Variants in RGL1 observed in about 807,000 individuals in gnomAD.
RGL1 encodes the protein ral guanine nucleotide dissociation stimulator like 1, also known as ral guanine nucleotide dissociation stimulator-like 1.
RGL1 carries 24 observed loss-of-function variants against 95.2 expected under a neutral mutation model. That is an observed-to-expected ratio of 0.25 (90% CI 0.18 to 0.35). RGL1 has a LOEUF of 0.35. RGL1 is among the 10% of genes least tolerant of loss of function. The probability of loss-of-function intolerance (pLI) is 1.00; values close to 1 mark genes in which losing one functional copy is unlikely to be tolerated. For missense variants in RGL1, 715 were observed against 936.3 expected (o/e 0.76, Z 3.08); for synonymous variants, 329 against 344.9 (o/e 0.95, Z 0.51).
intron 1 of RGL1, among the ~76,000 whole-genome samples, chr1:183,690,325 A>G (rs989979961): frequency 6.6e-6 from 1 of 152,218 alleles, no homozygotes; most frequent in Non-Finnish European, 1.5e-5. Flanking sequence ...TCAGCTTTGA[A>G]AGAAGTAGAT....
intron 8 of RGL1, among the ~76,000 whole-genome samples, chr1:183,889,098 T>G (rs903212519): frequency 6.6e-6 from 1 of 152,198 alleles, no homozygotes; most frequent in African/African-American, 2.4e-5. Flanking sequence ...ACTGGCCACA[T>G]CCTATGCTGT....
chr1:183,854,589 T>C (rs975728013), intron 3 of RGL1, among the ~76,000 whole-genome samples: 3 of 152,228 alleles, frequency 2.0e-5, no homozygotes, highest in African/African-American at 7.2e-5. Flanking sequence ...TCCAAGGATT[T>C]TGTCATAGAT....
At chr1:183,845,790 TC>T (rs1370565028) in intron 2 of RGL1, among the ~76,000 whole-genome samples, 12 of 152,218 alleles carry the variant, frequency 7.9e-5, no homozygotes, top group African/African-American at 2.9e-4. Context: ...GGCCAGTTTT[TC>T]AAGCTATCAA....
intron 9 of RGL1, among the ~76,000 whole-genome samples, chr1:183,892,384 T>C (rs1159674892): frequency 6.6e-6 from 1 of 152,198 alleles, no homozygotes; most frequent in Non-Finnish European, 1.5e-5. Context: ...GCTTGCCTGT[T>C]ATGCAAGCAG....
chr1:183,704,995 G>A (rs371582178), intron 1 of RGL1, among the ~76,000 whole-genome samples: 1 of 152,180 alleles, frequency 6.6e-6, no homozygotes, highest in Non-Finnish European at 1.5e-5. Context: ...ATTCATTGGT[G>A]TAGAAGGAGA....
At chr1:183,836,423 TTTTTTTTGTA>T (rs1436740585) in intron 2 of RGL1, among the ~76,000 whole-genome samples, 6 of 151,726 alleles carry the variant, frequency 4.0e-5, no homozygotes, top group African/African-American at 1.5e-4. Context: ...GCTAATTTTT[TTTTTTTTGTA>T]TTTTTTTGTA....
chr1:183,794,288 G>T (rs892796799), intron 2 of RGL1, among the ~76,000 whole-genome samples: 1 of 151,884 alleles, frequency 6.6e-6, no homozygotes, highest in Non-Finnish European at 1.5e-5. Flanking sequence ...GGCTGGAAAA[G>T]GTGGAGAGGG....
In RGL1 at chr1:183,777,605, C is replaced by T. The variant is rs776918302; in HGVS notation, c.133-28770C>T. Among the ~76,000 whole-genome samples the T allele has an allele frequency of 2.4e-4, 37 of 152,206 alleles. 1 individual carries two copies. The highest frequency in any genetic ancestry group is 5.2e-4 in the Admixed American group (8 of 15,284). ...CCATTTGGTGACCTTGCCTGTGACT[C>T]CTCAGGGAGGGAGCTCATAGGAAAA... On this transcript the variant is annotated intron_variant, in intron 2 of 18. Transcript: ENST00000304685.
intron 1 of RGL1, among the ~76,000 whole-genome samples, chr1:183,700,886 C>T (rs1197431979): frequency 6.6e-6 from 1 of 152,056 alleles, no homozygotes; most frequent in Non-Finnish European, 1.5e-5. Context: ...GATATTTGTC[C>T]TAATGCTCTC....
chr1:183,649,585 G>A (rs1261743522), intron 1 of RGL1, among the ~76,000 whole-genome samples: 2 of 152,132 alleles, frequency 1.3e-5, no homozygotes, highest in African/African-American at 4.8e-5. Context: ...TCTTTGGATT[G>A]TGGACACTCA....
chr1:183,844,378 A>C (rs1215244146), intron 2 of RGL1, among the ~76,000 whole-genome samples: 2 of 152,240 alleles, frequency 1.3e-5, no homozygotes, highest in African/African-American at 4.8e-5. Context: ...TTAATAAGCC[A>C]AAATTTTTCA....
intron 1 of RGL1, among the ~76,000 whole-genome samples, chr1:183,702,207 A>G (rs1176021412): frequency 6.6e-6 from 1 of 152,186 alleles, no homozygotes; most frequent in Non-Finnish European, 1.5e-5. Flanking sequence ...AGAAACAAAC[A>G]AGAAGTTTCT....
chr1:183,762,489 A>G (rs922115553), intron 2 of RGL1, among the ~76,000 whole-genome samples: 1 of 152,204 alleles, frequency 6.6e-6, no homozygotes, highest in African/African-American at 2.4e-5. Context: ...ACATAATAGT[A>G]ATTTAAAAGT....
chr1:183,917,961 A>G (rs1281265620), intron 16 of RGL1, among the ~76,000 whole-genome samples: 1 of 152,170 alleles, frequency 6.6e-6, no homozygotes, highest in Non-Finnish European at 1.5e-5. Flanking sequence ...GTAGGAGAGG[A>G]TAAGGGCTTG....
chr1:183,826,355 CTTAACACCACTGTCTAATATACCTTT>C (rs892495004), intron 2 of RGL1, among the ~76,000 whole-genome samples: 1 of 152,200 alleles, frequency 6.6e-6, no homozygotes, highest in Non-Finnish European at 1.5e-5. Context: ...TTACTTCCTC[CTTAACACCACTGTCTAATATACCTTT>C]TTATTTGTTC....
intron 2 of RGL1, among the ~76,000 whole-genome samples, chr1:183,820,824 T>C (rs1188608296): frequency 6.6e-6 from 1 of 152,182 alleles, no homozygotes; most frequent in Non-Finnish European, 1.5e-5. Flanking sequence ...AATGTATCGT[T>C]AAAATTAATT....
chr1:183,805,961 CTTTTCTTTTCTTTTTTTTTTTTTTTTT>C (rs1661272587), intron 1 of RGL1, among the ~76,000 whole-genome samples: 2 of 43,338 alleles, frequency 4.6e-5, no homozygotes, highest in Non-Finnish European at 8.9e-5. Flanking sequence ...TTTTCTTTTT[CTTTTCTTTTCTTTTTTTTTTTTTTTTT>C]TTTTTTTTTT....
intron 1 of RGL1, among the ~76,000 whole-genome samples, chr1:183,677,503 G>T (rs1652907214): frequency 2.0e-5 from 3 of 152,060 alleles, no homozygotes; most frequent in Admixed American, 6.6e-5. Context: ...TGTCATTCAG[G>T]ATATTTACTA....
intron 2 of RGL1, among the ~76,000 whole-genome samples, chr1:183,771,106 G>A (rs79895554): frequency 0.012 from 1,885 of 152,226 alleles, 46 homozygotes; most frequent in African/African-American, 0.044. Context: ...TCTCCAAGAG[G>A]ATAAAATGAG....
Sources: allele counts gnomAD v4.1 joint callset (sites outside exome capture counted in the v4.1 genomes callset), GRCh38; gene constraint gnomAD v4.1.1; transcripts MANE v1.5; gene names NCBI Gene and HGNC (gene_info 2026-07-23, HGNC 2026-07-21).